Variants in PON3 observed in about 807,000 individuals in gnomAD.
PON3 encodes paraoxonase 3.
Under a neutral mutation model 36.3 loss-of-function variants are expected in PON3, and 37 were observed. That is an observed-to-expected ratio of 1.02 (90% CI 0.78 to 1.34). The LOEUF is 1.34. PON3 is among the 40% of genes most tolerant of loss of function. The pLI, the probability that PON3 is intolerant of heterozygous loss-of-function variation, is 0.00. For synonymous variants in PON3, 155 were observed against 154.8 expected (o/e 1.00, Z -0.01); for missense variants, 415 against 426.5 (o/e 0.97, Z 0.24).
At chr7:95,396,207 G>A (rs1032343595) in intron 1 of PON3, 70 bp downstream of exon 1, 82 of 1,526,856 alleles carry the variant, frequency 5.4e-5, no homozygotes, top group Non-Finnish European at 5.8e-5. Flanking sequence ...GGGGGCGCCA[G>A]GCAGCCCCTG....
intron 2 of PON3, among the ~76,000 whole-genome samples, chr7:95,392,666 T>C (rs1400707192): frequency 6.6e-6 from 1 of 152,222 alleles, no homozygotes; most frequent in Non-Finnish European, 1.5e-5. Flanking sequence ...TCATTTTAAG[T>C]GGTGGGTTCT....
At chr7:95,361,731 T>C (rs1018087415) in intron 8 of PON3, among the ~76,000 whole-genome samples, 10 of 152,188 alleles carry the variant, frequency 6.6e-5, no homozygotes, top group African/African-American at 2.4e-4. Flanking sequence ...TATGTGTGCC[T>C]AGAATTTATA....
In PON3 at chr7:95,372,625, C is replaced by T. The variant is rs561279602; in HGVS notation, c.202-287G>A. Among the ~76,000 whole-genome samples the T allele has an allele frequency of 8.1e-4, 124 of 152,234 alleles. 1 individual carries two copies. Among genetic ancestry groups the T allele is most frequent in the African/African-American group, 2.8e-3 (117 of 41,532 alleles). On this transcript the variant is annotated intron_variant, in intron 3 of 8. Coordinates refer to ENST00000265627, the MANE Select transcript of PON3 (RefSeq NM_000940.3). Reference sequence around the variant, plus strand: ...AAAAAATATAACAGAAGAGACTAGGCTGTTACTTTGTGTGAATCCCTTCAC... The same window carrying T: ...AAAAAATATAACAGAAGAGACTAGGTTGTTACTTTGTGTGAATCCCTTCAC...
rs538846639 is a variant in PON3 at position 95,390,089 on chromosome 7, C to T, written c.201+65G>A. On this transcript the variant is annotated intron_variant, in intron 3 of 8. Coordinates refer to ENST00000265627, the MANE Select transcript of PON3 (RefSeq NM_000940.3). The stretch of plus-strand genomic sequence containing the variant: ...GGATCCATCTGGCAGCTCCAGAGGA[C>T]AACATTAATGCACTGTCTATACAGC... 2.7e-6 allele frequency: 4 copies of T among 1,472,434 alleles called. No individual in the cohort carries two copies. The South Asian group carries it at 4.5e-5, about 17-fold the overall frequency. 91.2% of individuals were successfully genotyped at this position (1,472,434 alleles called of 1,614,324 possible).
intron 3 of PON3, among the ~76,000 whole-genome samples, chr7:95,375,921 G>T (rs555516767): frequency 6.6e-6 from 1 of 152,248 alleles, no homozygotes; most frequent in East Asian, 1.9e-4. Context: ...AGGTAAATGT[G>T]GACAATCAAT....
intron 3 of PON3, among the ~76,000 whole-genome samples, chr7:95,374,241 T>C (rs959027249): frequency 1.3e-5 from 2 of 152,224 alleles, no homozygotes; most frequent in African/African-American, 4.8e-5. Context: ...GAAAATGTCA[T>C]GTCATTTAAC....
chr7:95,361,413 AT>A (rs1194838714), intron 8 of PON3, among the ~76,000 whole-genome samples: 1 of 152,066 alleles, frequency 6.6e-6, no homozygotes, highest in Non-Finnish European at 1.5e-5. Context: ...ACACATTTTA[AT>A]TTTTTTCAAA....
At chr7:95,395,913 C>G in intron 1 of PON3, 1 of 346,040 alleles carries the variant, frequency 2.9e-6, no homozygotes, top group South Asian at 2.4e-5. Flanking sequence ...CTGATCCTCT[C>G]TCCCAAGTCC....
At chr7:95,375,465 A>G (rs1435922120) in intron 3 of PON3, among the ~76,000 whole-genome samples, 3 of 151,918 alleles carry the variant, frequency 2.0e-5, no homozygotes, top group Non-Finnish European at 4.4e-5. Flanking sequence ...TAGAAGAGTG[A>G]TTTGCCTAAA....
chr7:95,388,076 A>G (rs914059107), intron 3 of PON3, among the ~76,000 whole-genome samples: 18 of 144,368 alleles, frequency 1.2e-4, no homozygotes, highest in African/African-American at 4.9e-4. Flanking sequence ...GGCATGGGCA[A>G]AGACTTCACA....
intron 4 of PON3, among the ~76,000 whole-genome samples, chr7:95,371,116 T>C (rs1024695801): frequency 1.3e-5 from 2 of 152,220 alleles, no homozygotes; most frequent in East Asian, 1.9e-4. Flanking sequence ...TATTATAGCA[T>C]GCATGAGTAG....
At chr7:95,380,520 G>A (rs186598548) in intron 3 of PON3, among the ~76,000 whole-genome samples, 41 of 152,314 alleles carry the variant, frequency 2.7e-4, no homozygotes, top group Admixed American at 1.5e-3. Flanking sequence ...ACCTGATGGA[G>A]CTGAAAACCA....
intron 3 of PON3, among the ~76,000 whole-genome samples, chr7:95,388,496 G>A (rs1809250631): frequency 6.6e-6 from 1 of 152,192 alleles, no homozygotes; most frequent in Non-Finnish European, 1.5e-5. Context: ...TGGTGGGAGT[G>A]TAAATTAGTT....
chr7:95,370,034 G>C (rs1020006963), intron 4 of PON3, among the ~76,000 whole-genome samples: 3 of 152,304 alleles, frequency 2.0e-5, no homozygotes, highest in Middle Eastern at 3.4e-3. Flanking sequence ...AGTATGGCTG[G>C]TCCAGAGAGT....
intron 4 of PON3, among the ~76,000 whole-genome samples, chr7:95,367,961 A>G (rs939345185): frequency 6.6e-6 from 1 of 152,178 alleles, no homozygotes; most frequent in African/African-American, 2.4e-5. Flanking sequence ...AATAAGCAAC[A>G]TTTCCCAGCT....
At chr7:95,379,193 C>T (rs1051575643) in intron 3 of PON3, among the ~76,000 whole-genome samples, 4 of 152,046 alleles carry the variant, frequency 2.6e-5, no homozygotes, top group East Asian at 1.9e-4. Context: ...AACAATTCAA[C>T]AAGAGTTAAC....
intron 3 of PON3, among the ~76,000 whole-genome samples, chr7:95,389,689 C>T (rs936576726): frequency 2.4e-4 from 36 of 152,082 alleles, no homozygotes; most frequent in African/African-American, 8.5e-4. Context: ...CAAGATGGAA[C>T]GTGTTTAGAG....
chr7:95,391,482 A>C (rs1809318601), intron 2 of PON3, among the ~76,000 whole-genome samples: 1 of 152,254 alleles, frequency 6.6e-6, no homozygotes, highest in South Asian at 2.1e-4. Context: ...AACGTAATAC[A>C]AAAAGATCTA....
chr7:95,385,991 A>T (rs1357351583), intron 3 of PON3, among the ~76,000 whole-genome samples: 1 of 151,998 alleles, frequency 6.6e-6, no homozygotes, highest in Non-Finnish European at 1.5e-5. Context: ...CACCTAGCCC[A>T]TTTACATTTA....
Sources: gnomAD v4.1 joint callset for allele counts (sites outside exome capture counted in the v4.1 genomes callset) on GRCh38, gnomAD v4.1.1 for gene constraint, MANE v1.5 for transcripts, NCBI Gene and HGNC (gene_info 2026-07-23, HGNC 2026-07-21) for gene names.